HFM1: variants seen among roughly 807,000 people sequenced by gnomAD.
HFM1 encodes the protein probable ATP-dependent DNA helicase HFM1.
A neutral mutation model predicts 192.1 loss-of-function variants in HFM1; 169 were observed. The ratio of observed to expected loss-of-function variants is 0.88; its 90% CI spans 0.78 to 1.00. The LOEUF is 1.00. HFM1 is among the 50% of genes least tolerant of loss of function. The pLI is 0.00. For missense variants in HFM1, 1,661 were observed against 1,668.0 expected, an observed-to-expected ratio of 1.00 and a Z score of 0.07; for synonymous variants, 525 against 537.8, an observed-to-expected ratio of 0.98 and a Z score of 0.33.
intron 30 of HFM1, among the ~76,000 whole-genome samples, chr1:91,304,045 G>A (rs994382452): frequency 3.9e-5 from 6 of 151,920 alleles, no homozygotes; most frequent in African/African-American, 1.2e-4. Flanking sequence ...AGTAGAGATG[G>A]GGTTTCACCA....
intron 23 of HFM1, among the ~76,000 whole-genome samples, chr1:91,322,514 C>T (rs1652274794): frequency 6.6e-6 from 1 of 152,118 alleles, no homozygotes; most frequent in Non-Finnish European, 1.5e-5. Flanking sequence ...GTACAAACTC[C>T]CCATTTTTGG....
intron 30 of HFM1, among the ~76,000 whole-genome samples, chr1:91,300,030 C>A (rs1648432517): frequency 6.6e-6 from 1 of 152,028 alleles, no homozygotes; most frequent in Non-Finnish European, 1.5e-5. Flanking sequence ...AATTGATAGA[C>A]CGCTAGCAAG....
intron 13 of HFM1, among the ~76,000 whole-genome samples, chr1:91,356,820 A>AG (rs760655967): frequency 1.1e-3 from 173 of 152,118 alleles, no homozygotes; most frequent in Middle Eastern, 3.2e-3. Context: ...ATTATGAACA[A>AG]TTATATATTA....
At chr1:91,275,823 A>C (rs1666746413) in intron 32 of HFM1, among the ~76,000 whole-genome samples, 1 of 152,104 alleles carries the variant, frequency 6.6e-6, no homozygotes, top group African/African-American at 2.4e-5. Context: ...TCATCCTCTA[A>C]TCCCTTTTCT....
chr1:91,280,238 A>G (rs1293946837), intron 30 of HFM1, among the ~76,000 whole-genome samples: 1 of 152,178 alleles, frequency 6.6e-6, no homozygotes, highest in Non-Finnish European at 1.5e-5. Flanking sequence ...GGAAGTTAAG[A>G]AGGCAAAGAA....
At chr1:91,280,773 G>A (rs1425665040) in intron 30 of HFM1, among the ~76,000 whole-genome samples, 1 of 152,178 alleles carries the variant, frequency 6.6e-6, no homozygotes, top group Admixed American at 6.5e-5. Context: ...GACCCCCCTA[G>A]TTTGGTATCA....
chr1:91,305,591 A>G (rs901880806), intron 30 of HFM1, among the ~76,000 whole-genome samples: 1 of 151,688 alleles, frequency 6.6e-6, no homozygotes, highest in African/African-American at 2.4e-5. Flanking sequence ...TTTTTGAGAC[A>G]AGGTCTCACT....
At chr1:91,271,067 T>A (rs188778130) in intron 34 of HFM1, among the ~76,000 whole-genome samples, 1 of 152,224 alleles carries the variant, frequency 6.6e-6, no homozygotes, top group East Asian at 1.9e-4. Context: ...TGGATCCTAG[T>A]AAGGCCGTTA....
At chr1:91,307,367 T>C (rs1175932702) in intron 30 of HFM1, among the ~76,000 whole-genome samples, 4 of 152,194 alleles carry the variant, frequency 2.6e-5, no homozygotes, top group African/African-American at 9.6e-5. Context: ...ATAGTTATCC[T>C]TTCTACTCTT....
chr1:91,324,712 A>C lies in HFM1; in HGVS notation c.2390T>G (p.Phe797Cys). 1 of 1,563,250 alleles carries C rather than the reference A, an allele frequency of 6.4e-7. No homozygotes were observed. ...YYITFETVKKFYTISGKETLS... is the reference protein window; with the variant it reads ...YYITFETVKKCYTISGKETLS... ...GGTTTCTTTTCCACTGATTGTATAA[A>C]ATTTCTTCACTGTCTCAAATGTAAT... Residue 797 changes from phenylalanine (F) to cysteine (C), a missense_variant, in exon 21 of 39, where the codon TTT (phenylalanine) becomes TGT (cysteine). Physicochemically the swap from Phe to Cys is radical, Grantham distance 205 (BLOSUM62 -2). Transcript: ENST00000370425.
chr1:91,303,983 T>G (rs1012934167), intron 30 of HFM1, among the ~76,000 whole-genome samples: 1 of 151,902 alleles, frequency 6.6e-6, no homozygotes, highest in Non-Finnish European at 1.5e-5. Context: ...CAATCCTGAG[T>G]AGGTGGGATT....
chr1:91,404,880 C>T, upstream of HFM1: 1 of 455,490 alleles, frequency 2.2e-6, no homozygotes. Context: ...AAGCCGAGCT[C>T]CAAGCAATGG....
At chr1:91,391,581 C>A (rs1310137759) in intron 4 of HFM1, among the ~76,000 whole-genome samples, 2 of 152,188 alleles carry the variant, frequency 1.3e-5, no homozygotes, top group Non-Finnish European at 2.9e-5. Context: ...TCCTTCCTTA[C>A]ACCTTATACG....
At chr1:91,392,971 AG>A (rs1663202397) in intron 4 of HFM1, among the ~76,000 whole-genome samples, 1 of 152,194 alleles carries the variant, frequency 6.6e-6, no homozygotes, top group Non-Finnish European at 1.5e-5. Flanking sequence ...ATTTTGCAGG[AG>A]GTGAAAATGT....
At chr1:91,338,373 A>T (rs183454582) in intron 20 of HFM1, among the ~76,000 whole-genome samples, 2 of 152,240 alleles carry the variant, frequency 1.3e-5, no homozygotes, top group African/African-American at 4.8e-5. Context: ...AGTCTTGTCC[A>T]TGTGATGGGG....
At chr1:91,304,136 T>G (rs768752741) in intron 30 of HFM1, among the ~76,000 whole-genome samples, 35 of 152,178 alleles carry the variant, frequency 2.3e-4, no homozygotes, top group Admixed American at 9.2e-4. Context: ...ATTACAGATG[T>G]GAGCCACTGT....
chr1:91,262,371 G>A lies in HFM1; in HGVS notation c.4108C>T (p.Pro1370Ser). The change falls in exon 38 of 39, where the codon CCA (proline) becomes TCA (serine). Residue 1370 changes from proline (P) to serine (S), a missense_variant. Coordinates refer to ENST00000370425, the MANE Select transcript of HFM1 (RefSeq NM_001017975.6). Reference protein sequence around the residue: ...AVIVHFQERKPQNLSPEIEKQ... With the variant: ...AVIVHFQERKSQNLSPEIEKQ... Reference sequence around the variant, plus strand: ...TCAATCTCTGGTGACAGATTTTGTGGTTTTCTTTCTTGAAAATGGACCTAC... The same window carrying A: ...TCAATCTCTGGTGACAGATTTTGTGATTTTCTTTCTTGAAAATGGACCTAC... The A allele has an allele frequency of 1.3e-6, 2 of 1,576,696 alleles. No homozygotes were observed. The highest frequency in any genetic ancestry group is 1.8e-5 in the Admixed American group (1 of 54,528).
In HFM1 at chr1:91,288,977, C is replaced by T. The variant is rs538410843; in HGVS notation, c.3392-11915G>A. ...CCGGGCAGAGGCGCCCCCCACCTCC[C>T]GGACGGGGCGGCTGGTCAGGTGGGG... On this transcript the variant is annotated intron_variant, in intron 30 of 38. Coordinates refer to ENST00000370425, the MANE Select transcript of HFM1 (RefSeq NM_001017975.6). Among the ~76,000 whole-genome samples the T allele has an allele frequency of 6.0e-5, 9 of 150,866 alleles. No individual in the cohort carries two copies. In the East Asian group the frequency reaches 1.4e-3, roughly 24 times the overall value.
intron 11 of HFM1, among the ~76,000 whole-genome samples, chr1:91,376,411 G>A (rs373087380): frequency 7.9e-5 from 12 of 152,048 alleles, no homozygotes; most frequent in African/African-American, 2.9e-4. Context: ...AGACAGAGGG[G>A]AGCAGAAGGC....
Sources: gnomAD v4.1 joint callset for allele counts (sites outside exome capture counted in the v4.1 genomes callset) on GRCh38, gnomAD v4.1.1 for gene constraint, MANE v1.5 for transcripts, NCBI Gene and HGNC (gene_info 2026-07-23, HGNC 2026-07-21) for gene names.